SGK1: variants seen among roughly 807,000 people sequenced by gnomAD.
SGK1 encodes serum/glucocorticoid regulated kinase 1.
Under a neutral mutation model 64.2 loss-of-function variants are expected in SGK1, and 26 were observed. The observed-to-expected ratio is 0.40, with a 90% CI of 0.30 to 0.56. The LOEUF (loss-of-function observed/expected upper bound fraction) is 0.56, where lower values mean the gene tolerates loss of function less well. Ranked by LOEUF, SGK1 falls within the 20% of genes least tolerant of loss-of-function variation. SGK1 has a pLI of 0.38. For synonymous variants in SGK1, 265 were observed against 239.7 expected, an observed-to-expected ratio of 1.11 and a Z score of -0.98; for missense variants, 519 against 645.6, an observed-to-expected ratio of 0.80 and a Z score of 2.12.
chr6:134,174,366 T>A (rs1775138901), intron 4 of SGK1, 145 bp downstream of exon 4: 1 of 638,862 alleles, frequency 1.6e-6, no homozygotes, highest in African/African-American at 1.8e-5. Context: ...GTTTAAAATG[T>A]GTCAAATATA....
intron 3 of SGK1, among the ~76,000 whole-genome samples, chr6:134,204,971 TTTTCTTTC>T (rs1318000824): frequency 3.5e-5 from 4 of 115,376 alleles, no homozygotes; most frequent in Admixed American, 8.2e-5. Flanking sequence ...CTTTCTTTCT[TTTTCTTTC>T]TTTCTTTCTT....
intron 1 of SGK1, among the ~76,000 whole-genome samples, chr6:134,307,692 G>A (rs1265634590): frequency 6.6e-6 from 1 of 152,204 alleles, no homozygotes; most frequent in African/African-American, 2.4e-5. Flanking sequence ...CAGTACAGAT[G>A]AAACCATCCT....
At chr6:134,292,449 T>G (rs1395426144) in intron 1 of SGK1, among the ~76,000 whole-genome samples, 1 of 151,964 alleles carries the variant, frequency 6.6e-6, no homozygotes, top group Non-Finnish European at 1.5e-5. Context: ...AAAAACTAGC[T>G]GGGGGTGGTG....
intron 2 of SGK1, among the ~76,000 whole-genome samples, chr6:134,226,717 T>TAA (rs1271486051): frequency 6.6e-6 from 1 of 151,702 alleles, no homozygotes; most frequent in African/African-American, 2.4e-5. Context: ...AAAATAAAAA[T>TAA]AAATAAATAA....
At chr6:134,282,545 C>A (rs753328758) in intron 1 of SGK1, among the ~76,000 whole-genome samples, 1 of 151,230 alleles carries the variant, frequency 6.6e-6, no homozygotes, top group African/African-American at 2.5e-5. Context: ...TCCAGCTACT[C>A]GGGAGTCTGA....
intron 2 of SGK1, among the ~76,000 whole-genome samples, chr6:134,221,445 C>T (rs1243070862): frequency 6.6e-6 from 1 of 152,194 alleles, no homozygotes; most frequent in Non-Finnish European, 1.5e-5. Context: ...GCCTTCCACA[C>T]AGTTCTCATC....
intron 11 of SGK1, chr6:134,171,430 A>C (rs183003151): frequency 4.9e-4 from 296 of 609,798 alleles, no homozygotes; most frequent in African/African-American, 4.1e-3. Flanking sequence ...ACACAGGTTC[A>C]ATGTGGTCCT....
intron 2 of SGK1, among the ~76,000 whole-genome samples, chr6:134,241,846 T>G (rs1302544051): frequency 6.6e-6 from 1 of 151,680 alleles, no homozygotes; most frequent in Non-Finnish European, 1.5e-5. Context: ...GGTCTCGATC[T>G]CCTGACCTCG....
chr6:134,204,554 CTTT>C lies in SGK1; in HGVS notation c.361+2799_361+2801del, dbSNP rs34485870. On this transcript the variant is annotated intron_variant, in intron 3 of 13. Transcript: ENST00000367858. ...TGTTCTGCATTAGTTTTTCTTGTAA[CTTT>C]TTTTTTTTTTTTTGAGATGGAATTT... Among the ~76,000 whole-genome samples the C allele has an allele frequency of 1.9e-4, 24 of 128,200 alleles. No individual in the cohort carries two copies. In the East Asian group the frequency reaches 2.2e-3, roughly 12 times the overall value. 84.1% of individuals were successfully genotyped at this position (128,200 alleles called of 152,430 possible). A position where few individuals can be genotyped will look rare whatever the true frequency, so the allele number is the denominator to read the frequency against.
intron 2 of SGK1, among the ~76,000 whole-genome samples, chr6:134,232,443 G>GA (rs1381781003): frequency 6.2e-5 from 2 of 32,016 alleles, no homozygotes; most frequent in African/African-American, 1.0e-4. Flanking sequence ...AAGAAAGAAA[G>GA]AAAGAAAGAA....
chr6:134,252,330 C>T (rs1776617407), intron 2 of SGK1, among the ~76,000 whole-genome samples: 1 of 152,158 alleles, frequency 6.6e-6, no homozygotes, highest in African/African-American at 2.4e-5. Flanking sequence ...TCCTGGTTAT[C>T]AGGCTCTCTG....
At chr6:134,179,946 TTTTTTGTTTGTTTG>T (rs1158633385) in intron 3 of SGK1, among the ~76,000 whole-genome samples, 1 of 151,856 alleles carries the variant, frequency 6.6e-6, no homozygotes, top group East Asian at 1.9e-4. Flanking sequence ...ATGAGAAGCT[TTTTTTGTTTGTTTG>T]TTTTTGTTTT....
At chr6:134,199,670 AT>A (rs752449036) in intron 3 of SGK1, among the ~76,000 whole-genome samples, 63 of 150,560 alleles carry the variant, frequency 4.2e-4, no homozygotes, top group Middle Eastern at 6.9e-3. Context: ...GTAGAAAAAA[AT>A]ATATATATAT....
chr6:134,229,005 A>G (rs1776234949), intron 2 of SGK1, among the ~76,000 whole-genome samples: 2 of 152,152 alleles, frequency 1.3e-5, no homozygotes, highest in Non-Finnish European at 2.9e-5. Flanking sequence ...CACTGCGCCC[A>G]GCTAATGTTT....
At chr6:134,223,310 G>A (rs1330636223) in intron 2 of SGK1, among the ~76,000 whole-genome samples, 4 of 151,774 alleles carry the variant, frequency 2.6e-5, no homozygotes, top group Non-Finnish European at 4.4e-5. Context: ...GGAGGTTGCG[G>A]TGAGCCGAGA....
intron 3 of SGK1, among the ~76,000 whole-genome samples, chr6:134,191,789 C>T (rs1775515027): frequency 6.7e-6 from 1 of 149,852 alleles, no homozygotes; most frequent in African/African-American, 2.5e-5. Flanking sequence ...CTGCCTCAGC[C>T]TCCTGAGTAG....
chr6:134,195,796 G>T (rs1394004818), intron 3 of SGK1, among the ~76,000 whole-genome samples: 1 of 152,144 alleles, frequency 6.6e-6, no homozygotes, highest in Non-Finnish European at 1.5e-5. Flanking sequence ...TATCAGTTTT[G>T]TGTCTGGGGC....
chr6:134,309,164 C>T (rs1032555617), intron 1 of SGK1, among the ~76,000 whole-genome samples: 7 of 152,214 alleles, frequency 4.6e-5, no homozygotes, highest in African/African-American at 1.7e-4. Flanking sequence ...TAGAAGATTC[C>T]TCTACTGCTC....
chr6:134,186,181 C>T (rs1462351579), intron 3 of SGK1, among the ~76,000 whole-genome samples: 1 of 152,228 alleles, frequency 6.6e-6, no homozygotes, highest in Non-Finnish European at 1.5e-5. Flanking sequence ...TTGTATCACA[C>T]TTAATCTCCA....
Sources: allele counts gnomAD v4.1 joint callset (sites outside exome capture counted in the v4.1 genomes callset), GRCh38; gene constraint gnomAD v4.1.1; transcripts MANE v1.5; gene names NCBI Gene and HGNC (gene_info 2026-07-23, HGNC 2026-07-21).